PTPRR: variants seen among roughly 807,000 people sequenced by gnomAD.
PTPRR encodes the protein receptor-type tyrosine-protein phosphatase R.
A neutral mutation model predicts 77.2 loss-of-function variants in PTPRR; 38 were observed. The ratio of observed to expected loss-of-function variants is 0.49; its 90% CI spans 0.38 to 0.65. The LOEUF (loss-of-function observed/expected upper bound fraction) is 0.65, where lower values mean the gene tolerates loss of function less well. PTPRR is among the 30% of genes least tolerant of loss of function. The pLI is 0.00. For missense variants in PTPRR, 744 were observed against 799.2 expected, an observed-to-expected ratio of 0.93 and a Z score of 0.83; for synonymous variants, 299 against 283.1, an observed-to-expected ratio of 1.06 and a Z score of -0.57.
At chr12:70,737,485 A>AAT (rs553299280) in intron 6 of PTPRR, among the ~76,000 whole-genome samples, 166 of 109,724 alleles carry the variant, frequency 1.5e-3, no homozygotes, top group African/African-American at 6.4e-3. Flanking sequence ...CTATTTAATG[A>AAT]ATATCTATCT....
chr12:70,850,165 C>A (rs894615746), intron 2 of PTPRR, among the ~76,000 whole-genome samples: 4 of 152,014 alleles, frequency 2.6e-5, no homozygotes, highest in Non-Finnish European at 5.9e-5. Context: ...AGTTTGAGAC[C>A]AGCCTGGCCA....
intron 6 of PTPRR, among the ~76,000 whole-genome samples, chr12:70,730,533 A>G (rs1178557321): frequency 6.6e-6 from 1 of 151,984 alleles, no homozygotes; most frequent in Non-Finnish European, 1.5e-5. Flanking sequence ...GAATTAAAAA[A>G]AAAAGGTAGA....
At chr12:70,718,837 C>A (rs933284874) in intron 6 of PTPRR, among the ~76,000 whole-genome samples, 2 of 152,234 alleles carry the variant, frequency 1.3e-5, no homozygotes, top group South Asian at 2.1e-4. Context: ...CATATTTATA[C>A]CATTTTGCAC....
rs138623066 is a variant in PTPRR at position 70,698,304 on chromosome 12, G to A, written c.1240C>T (p.Arg414Cys). Residue 414 changes from arginine to cysteine, a missense_variant, in exon 8 of 14, where the codon CGT becomes TGT. This residue lies in a region of PTPRR where 570 missense variants were observed against 573.2 expected (regional missense o/e 0.99). Coordinates refer to ENST00000283228, the MANE Select transcript of PTPRR (RefSeq NM_002849.4). ...FVDPKEIDIP[R>C]HGTKNRYKTI... ...TTATAGCGATTTTTAGTTCCATGAC[G>A]CGGAATATCAATTTCTTTGGGATCC... 7.5e-4 allele frequency: 1,204 copies of A among 1,612,924 alleles called. No individual in the cohort carries two copies. The highest frequency in any genetic ancestry group is 9.3e-4 in the Non-Finnish European group (1,093 of 1,179,308).
chr12:70,775,899 G>C (rs532369744), intron 2 of PTPRR, among the ~76,000 whole-genome samples: 1 of 152,118 alleles, frequency 6.6e-6, no homozygotes, highest in Non-Finnish European at 1.5e-5. Flanking sequence ...TTTGAACTGA[G>C]TAGAGAACGC....
At chr12:70,670,725 C>T (rs535022816) in intron 10 of PTPRR, among the ~76,000 whole-genome samples, 1 of 152,292 alleles carries the variant, frequency 6.6e-6, no homozygotes, top group South Asian at 2.1e-4. Flanking sequence ...ATTGCTCTTG[C>T]AGTTCCAGCT....
chr12:70,711,118 A>G (rs1183946214), intron 6 of PTPRR, among the ~76,000 whole-genome samples: 5 of 152,208 alleles, frequency 3.3e-5, no homozygotes, highest in Non-Finnish European at 5.9e-5. Flanking sequence ...TATTCACAAC[A>G]GCAAAGACAC....
intron 2 of PTPRR, among the ~76,000 whole-genome samples, chr12:70,806,720 C>A (rs763238847): frequency 1.3e-5 from 2 of 152,150 alleles, no homozygotes; most frequent in African/African-American, 4.8e-5. Flanking sequence ...TTATTCTGTT[C>A]GGAATCGTAG....
chr12:70,786,089 T>A (rs1398446141), intron 2 of PTPRR, among the ~76,000 whole-genome samples: 1 of 152,188 alleles, frequency 6.6e-6, no homozygotes, highest in Non-Finnish European at 1.5e-5. Flanking sequence ...AAACCCTGTG[T>A]GGCCAAAAGC....
intron 8 of PTPRR, among the ~76,000 whole-genome samples, chr12:70,693,171 T>C (rs1311803282): frequency 1.3e-5 from 2 of 152,206 alleles, no homozygotes; most frequent in Non-Finnish European, 2.9e-5. Context: ...CTATGATGTA[T>C]ATGATTTACT....
intron 2 of PTPRR, among the ~76,000 whole-genome samples, chr12:70,861,225 T>C (rs1225739904): frequency 6.6e-6 from 1 of 152,128 alleles, no homozygotes; most frequent in East Asian, 1.9e-4. Context: ...AGAGGTGGGA[T>C]GCTCACATGG....
At chr12:70,837,029 T>C (rs575222680) in intron 2 of PTPRR, among the ~76,000 whole-genome samples, 19 of 152,160 alleles carry the variant, frequency 1.2e-4, no homozygotes, top group African/African-American at 4.6e-4. Flanking sequence ...GGTATATAAA[T>C]GTATAAAGCA....
At chr12:70,776,282 C>T (rs891480907) in intron 2 of PTPRR, among the ~76,000 whole-genome samples, 3 of 152,110 alleles carry the variant, frequency 2.0e-5, no homozygotes, top group Admixed American at 2.0e-4. Context: ...CTAAATAGTC[C>T]TTGAATGTTG....
At chr12:70,805,356 G>C (rs1240002247) in intron 2 of PTPRR, among the ~76,000 whole-genome samples, 1 of 151,072 alleles carries the variant, frequency 6.6e-6, no homozygotes, top group Non-Finnish European at 1.5e-5. Context: ...ATTATTTTTG[G>C]GACAGGATCT....
chr12:70,694,272 G>GT (rs1888153629), intron 8 of PTPRR, among the ~76,000 whole-genome samples: 1 of 152,110 alleles, frequency 6.6e-6, no homozygotes, highest in South Asian at 2.1e-4. Context: ...GATGACCTGA[G>GT]TAAATGGCAT....
chr12:70,721,371 C>T (rs527820979), intron 6 of PTPRR, among the ~76,000 whole-genome samples: 5 of 152,288 alleles, frequency 3.3e-5, no homozygotes, highest in East Asian at 1.9e-4. Context: ...TTGTGAATAA[C>T]AATGGACAGC....
At chr12:70,731,879 A>G (rs1390568311) in intron 6 of PTPRR, among the ~76,000 whole-genome samples, 1 of 152,238 alleles carries the variant, frequency 6.6e-6, no homozygotes, top group Non-Finnish European at 1.5e-5. Context: ...CTACACACAC[A>G]TGTGTGAGTT....
chr12:70,722,033 G>A (rs1453384844), intron 6 of PTPRR, among the ~76,000 whole-genome samples: 1 of 152,016 alleles, frequency 6.6e-6, no homozygotes, highest in African/African-American at 2.4e-5. Flanking sequence ...AAATGAGGGA[G>A]GCATAGATGA....
intron 2 of PTPRR, among the ~76,000 whole-genome samples, chr12:70,818,925 T>C (rs1031106868): frequency 9.2e-5 from 14 of 152,184 alleles, no homozygotes; most frequent in Admixed American, 8.5e-4. Flanking sequence ...AACTTGTAAT[T>C]TGATTAAATT....
Sources: allele counts gnomAD v4.1 joint callset (sites outside exome capture counted in the v4.1 genomes callset), GRCh38; gene constraint gnomAD v4.1.1; regional missense constraint gnomAD v4.1.1; transcripts MANE v1.5; gene names NCBI Gene and HGNC (gene_info 2026-07-23, HGNC 2026-07-21).